Variants in DHX33 observed in about 807,000 individuals in gnomAD.
DHX33 encodes the protein ATP-dependent RNA helicase DHX33.
Under a neutral mutation model 72.5 loss-of-function variants are expected in DHX33, and 42 were observed. The ratio of observed to expected loss-of-function variants is 0.58; its 90% CI spans 0.45 to 0.75. The LOEUF (loss-of-function observed/expected upper bound fraction) is 0.75. Ranked by LOEUF, DHX33 falls within the 30% of genes least tolerant of loss-of-function variation. The probability of loss-of-function intolerance (pLI) is 0.00; values close to 1 mark genes in which losing one functional copy is unlikely to be tolerated. For synonymous variants in DHX33, 358 were observed against 366.1 expected (o/e 0.98, Z 0.25); for missense variants, 842 against 917.5 (o/e 0.92, Z 1.06).
At chr17:5,464,267 C>T (rs751428350) in intron 1 of DHX33, among the ~76,000 whole-genome samples, 2 of 152,112 alleles carry the variant, frequency 1.3e-5, no homozygotes, top group Non-Finnish European at 2.9e-5. Context: ...GAGGTTGAGG[C>T]TGCAGTGAGC....
intron 7 of DHX33, 34 bp downstream of exon 7, chr17:5,453,786 CA>C (rs1420282799): frequency 6.2e-7 from 1 of 1,612,944 alleles, no homozygotes; most frequent in Non-Finnish European, 8.5e-7. Flanking sequence ...GACATGGTGA[CA>C]AACAGCAGCA....
In DHX33 at chr17:5,454,718, C is replaced by T. The variant is rs146299428; in HGVS notation, c.1147+442G>A. Among the ~76,000 whole-genome samples, 9 of 152,362 alleles carry T rather than the reference C, an allele frequency of 5.9e-5. No homozygotes were observed. The South Asian group carries it at 8.3e-4, about 14-fold the overall frequency. Reference sequence around the variant, plus strand: ...AGTCAAGATGACCTTAAGTTAGCTTCTCACTGCACCTTCTTAGGAGAAGCC... The same window carrying T: ...AGTCAAGATGACCTTAAGTTAGCTTTTCACTGCACCTTCTTAGGAGAAGCC... On this transcript the variant is annotated intron_variant, in intron 6 of 11. Coordinates refer to ENST00000225296, the MANE Select transcript of DHX33 (RefSeq NM_020162.4).
At chr17:5,454,393 G>A (rs976009325) in intron 6 of DHX33, among the ~76,000 whole-genome samples, 4 of 152,120 alleles carry the variant, frequency 2.6e-5, no homozygotes, top group Non-Finnish European at 4.4e-5. Flanking sequence ...CAATGACTAC[G>A]AAATTAAATG....
rs181984938 is a variant in DHX33, at chr17:5,444,389, T to C, written c.1940A>G (p.His647Arg). 2.0e-4 allele frequency: 315 copies of C among 1,613,672 alleles called. 1 individual carries two copies. Among genetic ancestry groups the C allele is most frequent in the Middle Eastern group, 3.3e-4 (2 of 6,060 alleles). Residue 647 changes from histidine to arginine, a missense_variant, in exon 12 of 12, where the codon CAC (histidine) becomes CGC (arginine). By Grantham distance (29) the His-to-Arg change is conservative. Coordinates refer to ENST00000225296, the MANE Select transcript of DHX33 (RefSeq NM_020162.4). The surrounding 1 kb of genome is among the most constrained non-coding windows in gnomAD (Gnocchi z 4.9). ...PDGTYATTDTHQPVAIHPSSV... is the reference protein window; with the variant it reads ...PDGTYATTDTRQPVAIHPSSV... ...CGACGGGTGGATGGCCACTGGCTGG[T>C]GGGTGTCCGTGGTGGCATAGGTGCC...
At position 5,456,034 on chromosome 17, in the gene DHX33, T is replaced by A. The variant is rs749610314; in HGVS notation, c.998A>T (p.Tyr333Phe). Residue 333 changes from tyrosine (Y) to phenylalanine (F), a missense_variant, in exon 5 of 12, where the codon TAT becomes TTT. By Grantham distance (22) the Tyr-to-Phe change is conservative. Coordinates refer to ENST00000225296, the MANE Select transcript of DHX33 (RefSeq NM_020162.4). ...TTGGAAGACTCGGAGCTGCTGTGCATAGGGCAGGGAGGCGTACAGAGGAAG... is the reference window on the plus strand; with the variant it reads ...TTGGAAGACTCGGAGCTGCTGTGCAAAGGGCAGGGAGGCGTACAGAGGAAG... ...LVLPLYASLP[Y>F]AQQLRVFQGA... 1 of 1,612,992 alleles carries A rather than the reference T, an allele frequency of 6.2e-7. No homozygotes were observed. The highest frequency in any genetic ancestry group is 8.5e-7 in the Non-Finnish European group (1 of 1,179,992).
At chr17:5,448,335 C>T (rs1007151365) in intron 11 of DHX33, among the ~76,000 whole-genome samples, 5 of 152,196 alleles carry the variant, frequency 3.3e-5, no homozygotes, top group African/African-American at 1.2e-4. Context: ...AACATACATA[C>T]ACAGAAACAA....
At position 5,444,234 on chromosome 17, in the gene DHX33, T is replaced by A; in HGVS notation, c.2095A>T (p.Arg699Trp). Residue 699 changes from arginine (R) to tryptophan (W), a missense_variant, in exon 12 of 12, where the codon AGG becomes TGG. Arg to Trp is a moderately radical substitution (Grantham distance 101, BLOSUM62 -3). Coordinates refer to ENST00000225296, the MANE Select transcript of DHX33 (RefSeq NM_020162.4). The surrounding 1 kb of genome is among the most constrained non-coding windows in gnomAD (Gnocchi z 4.9). The part of the protein sequence containing the change: ...WLYEAAPEYF[R>W]RKLRTARN Reference sequence around the variant, plus strand: ...TTTCTGGCGGTTCTCAGCTTCCTCCTAAAGTACTCAGGGGCAGCCTCGTAC... The same window carrying A: ...TTTCTGGCGGTTCTCAGCTTCCTCCAAAAGTACTCAGGGGCAGCCTCGTAC... 1 of 1,614,178 alleles carries A rather than the reference T, an allele frequency of 6.2e-7. No individual in the cohort carries two copies. Among genetic ancestry groups the A allele is most frequent in the Non-Finnish European group, 8.5e-7 (1 of 1,180,018 alleles).
At chr17:5,460,776 G>T (rs951938637) in intron 4 of DHX33, among the ~76,000 whole-genome samples, 163 bp downstream of exon 4, 1 of 152,084 alleles carries the variant, frequency 6.6e-6, no homozygotes, top group Non-Finnish European at 1.5e-5. Context: ...CAAAGTGCAG[G>T]GATTACAGGC....
chr17:5,450,631 A>G (rs908273499), intron 9 of DHX33, among the ~76,000 whole-genome samples, 176 bp downstream of exon 9: 4 of 152,154 alleles, frequency 2.6e-5, no homozygotes, highest in Non-Finnish European at 5.9e-5. Context: ...GGGGCTCTTA[A>G]CTTCATCTCT....
At chr17:5,464,698 A>C (rs1219822464) in intron 1 of DHX33, among the ~76,000 whole-genome samples, 1 of 152,248 alleles carries the variant, frequency 6.6e-6, no homozygotes, top group Non-Finnish European at 1.5e-5. Flanking sequence ...ACATAGTTAA[A>C]ATATAAAATA....
Position 5,462,594 on chromosome 17 carries a change from C to T in DHX33, c.451-48G>A, listed in dbSNP as rs769238539. The T allele has an allele frequency of 3.5e-5, 51 of 1,460,370 alleles. 2 individuals are homozygous for T. In the South Asian group the frequency reaches 5.4e-4, roughly 15 times the overall value. The allele number at this position is 1,460,370 out of a possible 1,614,324, so 90.5% of individuals were successfully genotyped here. A position where few individuals can be genotyped will look rare whatever the true frequency, so the allele number is the denominator to read the frequency against. On this transcript the variant is annotated intron_variant, in intron 2 of 11. Coordinates refer to ENST00000225296, the MANE Select transcript of DHX33 (RefSeq NM_020162.4). ...CAGTCACCAAACATTTCTTGAGCGC[C>T]CACTGTGTCCGGCACTAAGTTGGGC...
intron 8 of DHX33, among the ~76,000 whole-genome samples, chr17:5,452,720 A>AAAAT (rs545567996): frequency 6.6e-6 from 1 of 152,102 alleles, no homozygotes; most frequent in Non-Finnish European, 1.5e-5. Context: ...CCCTGTCTCA[A>AAAAT]AAATAAATAA....
intron 5 of DHX33, among the ~76,000 whole-genome samples, 179 bp from the exon 6 acceptor site, chr17:5,455,450 G>A (rs567512641): frequency 1.3e-5 from 2 of 152,296 alleles, no homozygotes; most frequent in South Asian, 4.1e-4. Flanking sequence ...GGAAGGGGAC[G>A]CTGCAGTCTT....
At chr17:5,450,984 T>C in intron 8 of DHX33, 50 bp from the exon 9 acceptor site, 1 of 1,598,236 alleles carries the variant, frequency 6.3e-7, no homozygotes, top group Non-Finnish European at 8.5e-7. Flanking sequence ...AAAAATGAAG[T>C]TGCAGCTAGT....
Position 5,453,682 on chromosome 17 carries a change from GA to G in DHX33, c.1308-15del. ...GCCAGGTTACACCTGTGAAGAGCATGAGACCAGGGTCATGACCTGATCCCTC... is the reference window on the plus strand; with the variant it reads ...GCCAGGTTACACCTGTGAAGAGCATGGACCAGGGTCATGACCTGATCCCTC... On this transcript the variant is annotated splice_polypyrimidine_tract_variant and intron_variant, in intron 7 of 11. Coordinates refer to ENST00000225296, the MANE Select transcript of DHX33 (RefSeq NM_020162.4). 4 of 1,614,034 alleles carry G rather than the reference GA, an allele frequency of 2.5e-6. No homozygotes were observed. The highest frequency in any genetic ancestry group is 3.4e-6 in the Non-Finnish European group (4 of 1,179,916).
At chr17:5,465,619 T>G (rs561478775) in intron 1 of DHX33, among the ~76,000 whole-genome samples, 3 of 152,350 alleles carry the variant, frequency 2.0e-5, no homozygotes, top group African/African-American at 7.2e-5. Flanking sequence ...GAAATGCTCC[T>G]TGGAGCCCAT....
At position 5,444,268 on chromosome 17, in the gene DHX33, T is replaced by G; in HGVS notation, c.2061A>C (p.Ala687=). The G allele has an allele frequency of 1.2e-6, 2 of 1,614,228 alleles. No homozygotes were observed. Among genetic ancestry groups the G allele is most frequent in the Non-Finnish European group, 1.7e-6 (2 of 1,180,046 alleles). The change falls in exon 12 of 12, where the codon GCA becomes GCC. Residue 687 remains alanine (A), a synonymous_variant. Transcript: ENST00000225296. This position sits in a 1 kb window ranked among gnomAD's most constrained non-coding sequence, Gnocchi z 4.9. ...CYMRDLCVID[A]QWLYEAAPEY... is the part of the protein sequence containing the mutation. ...CAGGGGCAGCCTCGTACAGCCACTGTGCATCTATGACGCAGAGGTCCCGCA... is the reference window on the plus strand; with the variant it reads ...CAGGGGCAGCCTCGTACAGCCACTGGGCATCTATGACGCAGAGGTCCCGCA...
chr17:5,449,014 A>G, intron 10 of DHX33, 119 bp from the exon 11 acceptor site: 1 of 620,338 alleles, frequency 1.6e-6, no homozygotes, highest in Non-Finnish European at 2.7e-6. Context: ...AGCTCACTGC[A>G]AACCAATCCT....
chr17:5,446,777 G>A (rs1296592582), intron 11 of DHX33, among the ~76,000 whole-genome samples: 1 of 152,170 alleles, frequency 6.6e-6, no homozygotes, highest in Non-Finnish European at 1.5e-5. Flanking sequence ...CCACTACAGG[G>A]TCCTAAATTC....
Sources: gnomAD v4.1 joint callset for allele counts (sites outside exome capture counted in the v4.1 genomes callset) on GRCh38, gnomAD v4.1.1 for gene constraint, Gnocchi (gnomAD v3.1) non-coding constraint, MANE v1.5 for transcripts, NCBI Gene and HGNC (gene_info 2026-07-23, HGNC 2026-07-21) for gene names.